The following DIS3L2 variants were observed in gnomAD, a reference collection of about 807,000 sequenced individuals.
DIS3L2 encodes the protein DIS3 like 3'-5' exoribonuclease 2, also known as DIS3-like exonuclease 2.
DIS3L2 carries 34 observed loss-of-function variants against 97.5 expected under a neutral mutation model. The observed-to-expected ratio is 0.35, with a 90% CI of 0.27 to 0.46. The LOEUF (loss-of-function observed/expected upper bound fraction) is 0.46, where lower values mean the gene tolerates loss of function less well. Among genes scored for constraint, DIS3L2 ranks in the 20% least tolerant of loss-of-function variants. The pLI, the probability that DIS3L2 is intolerant of heterozygous loss-of-function variation, is 1.00. For missense variants in DIS3L2, 1,038 were observed against 1,146.0 expected, an observed-to-expected ratio of 0.91 and a Z score of 1.36; for synonymous variants, 435 against 445.2, an observed-to-expected ratio of 0.98 and a Z score of 0.29.
chr2:232,115,467 G>C (rs535423426), intron 6 of DIS3L2, among the ~76,000 whole-genome samples: 2 of 152,300 alleles, frequency 1.3e-5, no homozygotes, highest in South Asian at 2.1e-4. Flanking sequence ...CTGAGAATCA[G>C]CTCCACGTGG....
At chr2:232,041,707 A>G (rs563371023) in intron 5 of DIS3L2, among the ~76,000 whole-genome samples, 1 of 152,246 alleles carries the variant, frequency 6.6e-6, no homozygotes, top group Non-Finnish European at 1.5e-5. Flanking sequence ...ATTACACTCA[A>G]TCGGCAAAAC....
At chr2:232,249,046 T>A (rs760799611) in intron 11 of DIS3L2, among the ~76,000 whole-genome samples, 193 bp from the exon 12 acceptor site, 1 of 152,232 alleles carries the variant, frequency 6.6e-6, no homozygotes, top group African/African-American at 2.4e-5. Context: ...CCAGCTCATA[T>A]TCCTATTTGA....
intron 10 of DIS3L2, among the ~76,000 whole-genome samples, chr2:232,216,993 C>T (rs1238102132): frequency 6.6e-6 from 1 of 152,180 alleles, no homozygotes; most frequent in Non-Finnish European, 1.5e-5. Flanking sequence ...CAGGCGCCTG[C>T]CACCACACCC....
rs549582540 is a variant in DIS3L2, at chr2:232,334,415, G to A, written c.2205G>A (p.Gln735=). Residue 735 remains glutamine (Q), a synonymous_variant, in exon 18 of 21, where the codon CAG becomes CAA. Coordinates refer to ENST00000325385, the MANE Select transcript of DIS3L2 (RefSeq NM_152383.5). The stretch of plus-strand genomic sequence containing the variant: ...TGGCGCCCGATACCCTGCAGAAACA[G>A]GCGGACCACTGTAACGACCGCCGCA... ...LDMAPDTLQK[Q]ADHCNDRRMA... 5 of 1,613,798 alleles carry A rather than the reference G, an allele frequency of 3.1e-6. No individual in the cohort carries two copies. In the African/African-American group the frequency reaches 6.7e-5, roughly 22 times the overall value.
chr2:232,018,297 C>G (rs1694411730), intron 3 of DIS3L2, among the ~76,000 whole-genome samples: 1 of 152,054 alleles, frequency 6.6e-6, no homozygotes, highest in African/African-American at 2.4e-5. Flanking sequence ...TATAACAACT[C>G]TAATTCCCAG....
At chr2:232,083,889 G>A (rs1696492328) in intron 5 of DIS3L2, among the ~76,000 whole-genome samples, 1 of 152,118 alleles carries the variant, frequency 6.6e-6, no homozygotes, top group East Asian at 1.9e-4. Context: ...CTGAGATAAA[G>A]TATGTATGGG....
downstream of DIS3L2, among the ~76,000 whole-genome samples, chr2:232,338,040 G>A (rs1012842240): frequency 6.6e-6 from 1 of 151,594 alleles, no homozygotes; most frequent in African/African-American, 2.4e-5. Flanking sequence ...TATCTGCAGG[G>A]ACAGACAGGC....
intron 13 of DIS3L2, among the ~76,000 whole-genome samples, 179 bp from the exon 14 acceptor site, chr2:232,299,861 A>T (rs1694812213): frequency 6.6e-6 from 1 of 152,234 alleles, no homozygotes; most frequent in African/African-American, 2.4e-5. Flanking sequence ...GACAGTCATC[A>T]TTGATGATGG....
chr2:232,098,652 C>G (rs1377766337), intron 6 of DIS3L2, among the ~76,000 whole-genome samples: 1 of 152,102 alleles, frequency 6.6e-6, no homozygotes, highest in African/African-American at 2.4e-5. Context: ...CCCCACCCAG[C>G]CTAGCTTTCT....
intron 9 of DIS3L2, among the ~76,000 whole-genome samples, chr2:232,189,576 G>A (rs1691554597): frequency 6.6e-6 from 1 of 152,208 alleles, no homozygotes; most frequent in Non-Finnish European, 1.5e-5. Context: ...TGCCAAGATT[G>A]AGGGAGGCAG....
chr2:232,167,121 A>T (rs548077558), intron 9 of DIS3L2, among the ~76,000 whole-genome samples: 70 of 152,186 alleles, frequency 4.6e-4, no homozygotes, highest in African/African-American at 1.5e-3. Context: ...TTGCATTTAA[A>T]TTTTTTCTAA....
intron 4 of DIS3L2, among the ~76,000 whole-genome samples, chr2:232,027,731 A>G (rs1574822416): frequency 6.6e-6 from 1 of 152,208 alleles, no homozygotes; most frequent in East Asian, 1.9e-4. Context: ...CTACTGACAG[A>G]AAGTTGGTTT....
In DIS3L2 at chr2:232,215,313, C is replaced by T. The variant is rs149032000; in HGVS notation, c.1204+4908C>T. 8.5e-5 allele frequency among the ~76,000 whole-genome samples: 13 copies of T among 152,210 alleles called. No individual in the cohort carries two copies. In the East Asian group the frequency reaches 2.3e-3, roughly 27 times the overall value. Reference sequence around the variant, plus strand: ...GTGCACAGCCCTCTGCTCTGCTGCCCGCTCACATTTCCCATCCCCACAGAG... The same window carrying T: ...GTGCACAGCCCTCTGCTCTGCTGCCTGCTCACATTTCCCATCCCCACAGAG... On this transcript the variant is annotated intron_variant, in intron 10 of 20. Coordinates refer to ENST00000325385, the MANE Select transcript of DIS3L2 (RefSeq NM_152383.5).
At chr2:232,039,615 ACT>A (rs1183551988) in intron 5 of DIS3L2, among the ~76,000 whole-genome samples, 3 of 152,024 alleles carry the variant, frequency 2.0e-5, no homozygotes, top group Non-Finnish European at 4.4e-5. Context: ...CTCTTATATA[ACT>A]CTTCGAAGTT....
chr2:232,172,834 T>C (rs1384072457), intron 9 of DIS3L2: 1 of 512,060 alleles, frequency 2.0e-6, no homozygotes, highest in Non-Finnish European at 3.9e-6. Flanking sequence ...GGGTAGTATC[T>C]CATTGTGGTT....
intron 5 of DIS3L2, among the ~76,000 whole-genome samples, chr2:232,052,835 C>G (rs896709864): frequency 1.3e-5 from 2 of 151,646 alleles, no homozygotes; most frequent in African/African-American, 4.8e-5. Flanking sequence ...TTATAGGGCC[C>G]TTTATATTGT....
At chr2:232,299,209 G>GC (rs1694797616) in intron 13 of DIS3L2, among the ~76,000 whole-genome samples, 1 of 152,036 alleles carries the variant, frequency 6.6e-6, no homozygotes, top group Non-Finnish European at 1.5e-5. Flanking sequence ...CTCTATCCCA[G>GC]CCCCCCTGGC....
chr2:232,031,295 T>C (rs780331643), intron 5 of DIS3L2, among the ~76,000 whole-genome samples: 5 of 152,168 alleles, frequency 3.3e-5, no homozygotes, highest in African/African-American at 1.2e-4. Flanking sequence ...TTTAATCTGA[T>C]ACAGCTAAAG....
intron 1 of DIS3L2, among the ~76,000 whole-genome samples, chr2:231,988,371 G>A (rs1693480352): frequency 6.6e-6 from 1 of 152,188 alleles, no homozygotes; most frequent in African/African-American, 2.4e-5. Context: ...TGTCTTTGTA[G>A]GGCCTCTCTC....
Sources: allele counts gnomAD v4.1 joint callset (sites outside exome capture counted in the v4.1 genomes callset), GRCh38; gene constraint gnomAD v4.1.1; transcripts MANE v1.5; gene names NCBI Gene and HGNC (gene_info 2026-07-23, HGNC 2026-07-21).